The following FAP variants were observed in gnomAD, a reference collection of about 807,000 sequenced individuals.
FAP encodes fibroblast activation protein alpha.
FAP carries 110 observed loss-of-function variants against 126.5 expected under a neutral mutation model. The ratio of observed to expected loss-of-function variants is 0.87; its 90% CI spans 0.74 to 1.02. FAP has a LOEUF of 1.02. Ranked by LOEUF, FAP falls within the 50% of genes least tolerant of loss-of-function variation. The pLI, the probability that FAP is intolerant of heterozygous loss-of-function variation, is 0.00. For missense variants in FAP, 919 were observed against 909.2 expected (o/e 1.01, Z -0.14); for synonymous variants, 334 against 297.3 (o/e 1.12, Z -1.27).
intron 8 of FAP, among the ~76,000 whole-genome samples, chr2:162,218,442 T>A (rs1287548396): frequency 6.6e-6 from 1 of 152,062 alleles, no homozygotes; most frequent in Non-Finnish European, 1.5e-5. Context: ...AGTTTCAGGT[T>A]TTTTAGTCAC....
intron 15 of FAP, among the ~76,000 whole-genome samples, chr2:162,199,168 C>T (rs186919281): frequency 7.2e-5 from 11 of 152,214 alleles, no homozygotes; most frequent in Admixed American, 5.9e-4. Flanking sequence ...AGTCACTTCC[C>T]ATAACCATTC....
Position 162,218,932 on chromosome 2 carries a change from C to A in FAP, c.607+131G>T, listed in dbSNP as rs1257804733. The A allele has an allele frequency of 7.5e-6, 5 of 664,664 alleles. No homozygotes were observed. In the African/African-American group the frequency reaches 9.2e-5, roughly 12 times the overall value. 41.2% of individuals were successfully genotyped at this position (664,664 alleles called of 1,614,324 possible). ...AAAATACGTATGCCCTATTCGTAAC[C>A]TAGAGACAATTTTCAGCAATGCTAC... is the stretch of plus-strand genomic sequence containing the variant. On this transcript the variant is annotated intron_variant, in intron 8 of 25. Coordinates refer to ENST00000188790, the MANE Select transcript of FAP (RefSeq NM_004460.5).
chr2:162,174,840 C>G (rs1355335743), intron 22 of FAP, 27 bp downstream of exon 22: 3 of 1,483,956 alleles, frequency 2.0e-6, no homozygotes, highest in Non-Finnish European at 2.8e-6. Flanking sequence ...AATGCTTTCA[C>G]AGTAACATTA....
At chr2:162,172,640 C>T in intron 25 of FAP, 171 bp downstream of exon 25, 1 of 570,312 alleles carries the variant, frequency 1.8e-6, no homozygotes, top group Non-Finnish European at 3.1e-6. Flanking sequence ...GCCTCGGGTC[C>T]TTCAGTAGTT....
At chr2:162,231,581 A>T (rs1689904012) in intron 2 of FAP, among the ~76,000 whole-genome samples, 1 of 152,204 alleles carries the variant, frequency 6.6e-6, no homozygotes, top group South Asian at 2.1e-4. Context: ...CACTCTCATT[A>T]ACTATGCTTT....
intron 6 of FAP, among the ~76,000 whole-genome samples, chr2:162,222,508 T>A (rs1036370607): frequency 1.3e-5 from 2 of 152,316 alleles, no homozygotes; most frequent in East Asian, 1.9e-4. Context: ...TTTTAAAAAA[T>A]TTTTGTGCTC....
At chr2:162,177,711 T>A (rs1486078776) in intron 21 of FAP, among the ~76,000 whole-genome samples, 1 of 152,192 alleles carries the variant, frequency 6.6e-6, no homozygotes, top group African/African-American at 2.4e-5. Context: ...TTTACTTATT[T>A]ATCTTGTTTA....
chr2:162,190,504 A>G (rs1688000208), intron 17 of FAP, among the ~76,000 whole-genome samples: 1 of 152,132 alleles, frequency 6.6e-6, no homozygotes, highest in Non-Finnish European at 1.5e-5. Context: ...TTCACACCTT[A>G]ATATTTGAAA....
chr2:162,219,770 G>T, intron 7 of FAP, 83 bp downstream of exon 7: 2 of 891,222 alleles, frequency 2.2e-6, no homozygotes, highest in Admixed American at 2.1e-5. Context: ...TTTCTTTCAG[G>T]CAGGGAAATT....
chr2:162,243,281 A>G lies in FAP; in HGVS notation c.6+41T>C, dbSNP rs754527116. On this transcript the variant is annotated intron_variant, in intron 1 of 25. Transcript: ENST00000188790. Reference sequence around the variant, plus strand: ...ACTCTGATCACGTTCAATCCAGCCAACCCTAATTTTTTAAGAATACTTGAG... The same window carrying G: ...ACTCTGATCACGTTCAATCCAGCCAGCCCTAATTTTTTAAGAATACTTGAG... The G allele has an allele frequency of 4.1e-6, 6 of 1,458,534 alleles. No individual in the cohort carries two copies. The South Asian group carries it at 7.0e-5, about 17-fold the overall frequency. 90.3% of individuals were successfully genotyped at this position (1,458,534 alleles called of 1,614,324 possible). A position where few individuals can be genotyped will look rare whatever the true frequency, so the allele number is the denominator to read the frequency against.
intron 9 of FAP, among the ~76,000 whole-genome samples, chr2:162,217,696 A>G (rs553198143): frequency 6.4e-4 from 98 of 152,344 alleles, no homozygotes; most frequent in African/African-American, 2.2e-3. Context: ...TGGAGCATGA[A>G]ATATGAAAAA....
At position 162,203,232 on chromosome 2, in the gene FAP, G is replaced by C. The variant is rs1036110555; in HGVS notation, c.1048-87C>G. 6.6e-6 allele frequency: 5 copies of C among 756,162 alleles called. No homozygotes were observed. The African/African-American group carries it at 8.8e-5, about 13-fold the overall frequency. The allele number at this position is 756,162 out of a possible 1,614,324, so 46.8% of individuals were successfully genotyped here. ...TTTTAATATATAAAAGCGACGTATG[G>C]TCATAGTTATAGGAATCAGAATGTC... On this transcript the variant is annotated intron_variant, in intron 12 of 25. Coordinates refer to ENST00000188790, the MANE Select transcript of FAP (RefSeq NM_004460.5).
rs576745966 is a variant in FAP at position 162,189,508 on chromosome 2, A to C, written c.1549+148T>G. 781 of 581,406 alleles carry C rather than the reference A, an allele frequency of 1.3e-3. 12 individuals are homozygous for C. The South Asian group carries it at 0.017, about 13-fold the overall frequency. 36.0% of individuals were successfully genotyped at this position (581,406 alleles called of 1,614,324 possible). On this transcript the variant is annotated intron_variant, in intron 18 of 25. Transcript: ENST00000188790. ...TTAAAGATATTTAGTAAAACTAAGA[A>C]TTGTTACAGTAAGATTATTTTAAAT...
At chr2:162,242,234 C>A (rs1291578809) in intron 2 of FAP, among the ~76,000 whole-genome samples, 1 of 152,130 alleles carries the variant, frequency 6.6e-6, no homozygotes, top group East Asian at 1.9e-4. Context: ...CATAGTCCTA[C>A]TTTATATTTA....
chr2:162,212,112 G>A (rs974344425), intron 11 of FAP, among the ~76,000 whole-genome samples: 1 of 152,148 alleles, frequency 6.6e-6, no homozygotes, highest in Non-Finnish European at 1.5e-5. Context: ...ATATTCCAGG[G>A]ACTTCCACAC....
chr2:162,185,902 A>C (rs984356845), intron 20 of FAP, among the ~76,000 whole-genome samples: 2 of 152,126 alleles, frequency 1.3e-5, no homozygotes, highest in Non-Finnish European at 2.9e-5. Flanking sequence ...TATCCTATTT[A>C]GCTTTTGTTT....
chr2:162,223,172 T>C (rs1689484243), intron 6 of FAP, among the ~76,000 whole-genome samples: 1 of 152,172 alleles, frequency 6.6e-6, no homozygotes, highest in African/African-American at 2.4e-5. Context: ...TTTATAATAA[T>C]TAATTTTAAA....
chr2:162,235,055 G>T (rs113862096), intron 2 of FAP, among the ~76,000 whole-genome samples: 1,628 of 152,176 alleles, frequency 0.011, 25 homozygotes, highest in African/African-American at 0.037. Flanking sequence ...TCAGTTTCTC[G>T]CCAGGCTTTA....
intron 11 of FAP, among the ~76,000 whole-genome samples, chr2:162,211,429 A>T (rs1238947497): frequency 6.6e-6 from 1 of 152,216 alleles, no homozygotes; most frequent in Admixed American, 6.5e-5. Flanking sequence ...TATAGCAGTT[A>T]GCCTACCTTG....
Sources: gnomAD v4.1 joint callset for allele counts (sites outside exome capture counted in the v4.1 genomes callset) on GRCh38, gnomAD v4.1.1 for gene constraint, MANE v1.5 for transcripts, NCBI Gene and HGNC (gene_info 2026-07-23, HGNC 2026-07-21) for gene names.